Variants in FKBP5 observed in about 807,000 individuals in gnomAD.
The protein encoded by FKBP5 is peptidyl-prolyl cis-trans isomerase FKBP5.
Under a neutral mutation model 50.5 loss-of-function variants are expected in FKBP5, and 23 were observed. That is an observed-to-expected ratio of 0.46 (90% confidence interval 0.33 to 0.65). The LOEUF (loss-of-function observed/expected upper bound fraction) is 0.65. Among genes scored for constraint, FKBP5 ranks in the 30% least tolerant of loss-of-function variants. The pLI, the probability that FKBP5 is intolerant of heterozygous loss-of-function variation, is 0.02. For synonymous variants in FKBP5, 176 were observed against 190.6 expected (o/e 0.92, Z 0.63); for missense variants, 411 against 553.1 (o/e 0.74, Z 2.58).
At chr6:35,648,641 T>C (rs1764699041) in intron 1 of FKBP5, among the ~76,000 whole-genome samples, 1 of 152,104 alleles carries the variant, frequency 6.6e-6, no homozygotes, top group Admixed American at 6.5e-5. Flanking sequence ...TTTAGTGTGC[T>C]CAAGAGATTT....
At chr6:35,693,442 T>C (rs779216373), upstream of FKBP5, among the ~76,000 whole-genome samples, 34 of 151,266 alleles carry the variant, frequency 2.2e-4, no homozygotes, top group Non-Finnish European at 3.8e-4. Context: ...GGATTACAGG[T>C]GTGAGCCACT....
chr6:35,585,624 T>C (rs1762574950), intron 8 of FKBP5: 1 of 966,294 alleles, frequency 1.0e-6, no homozygotes, highest in South Asian at 4.8e-5. Flanking sequence ...TTAGTATACA[T>C]AGTAAATAAT....
rs192625219 is a variant in FKBP5 at position 35,701,093 on chromosome 6, A to G, written c.-20+19235T>C. Among the ~76,000 whole-genome samples the G allele has an allele frequency of 2.1e-3, 327 of 152,330 alleles. 3 individuals are homozygous for G. Among genetic ancestry groups the G allele is most frequent in the South Asian group, 1.5e-3 (7 of 4,826 alleles). ...AATATTGCAGGAACATAATTTGCAT[A>G]TGAAAAAAGTATTCAGTGTTTATCT... On this transcript the variant is annotated intron_variant, in intron 2 of 11. Transcript: ENST00000536438.
chr6:35,697,302 C>T (rs1766097481), intron 2 of FKBP5, among the ~76,000 whole-genome samples: 1 of 152,098 alleles, frequency 6.6e-6, no homozygotes, highest in Non-Finnish European at 1.5e-5. Context: ...AATCCCAGCA[C>T]TTTGGGAGGC....
chr6:35,686,696 T>C (rs1581884738), intron 1 of FKBP5, among the ~76,000 whole-genome samples: 1 of 152,312 alleles, frequency 6.6e-6, no homozygotes, highest in East Asian at 1.9e-4. Context: ...GGATGTTCTT[T>C]CCTCTCCAGA....
chr6:35,603,786 C>T, intron 5 of FKBP5, among the ~76,000 whole-genome samples: 1 of 151,786 alleles, frequency 6.6e-6, no homozygotes, highest in South Asian at 2.1e-4. Flanking sequence ...CTTACTGCAA[C>T]CATCTGCCTC....
At chr6:35,582,964 A>G (rs1762482773) in intron 8 of FKBP5, 2 of 813,572 alleles carry the variant, frequency 2.5e-6, no homozygotes, top group Non-Finnish European at 1.5e-6. Flanking sequence ...GCTCACGCCT[A>G]TAGTCCCAGC....
intron 1 of FKBP5, among the ~76,000 whole-genome samples, chr6:35,721,786 T>A (rs1460033310): frequency 1.3e-5 from 2 of 152,252 alleles, no homozygotes; most frequent in African/African-American, 4.8e-5. Flanking sequence ...AAATGCGTAC[T>A]CCCAGTTGTG....
chr6:35,728,463 G>C (rs1257266849), intron 1 of FKBP5: 1 of 152,312 alleles, frequency 6.6e-6, no homozygotes, highest in Non-Finnish European at 1.5e-5. Context: ...GGTGTGGCCA[G>C]GCACACAGCT....
At chr6:35,678,014 G>A (rs1479389495) in intron 1 of FKBP5, among the ~76,000 whole-genome samples, 1 of 152,164 alleles carries the variant, frequency 6.6e-6, no homozygotes, top group African/African-American at 2.4e-5. Flanking sequence ...TGATATGTAT[G>A]AAGTTCATTA....
chr6:35,585,862 G>C lies in FKBP5; in HGVS notation c.840+1172C>G, dbSNP rs1002293410. The C allele has an allele frequency of 7.1e-6, 7 of 985,144 alleles. No individual in the cohort carries two copies. In the African/African-American group the frequency reaches 1.0e-4, roughly 15 times the overall value. 61.0% of individuals were successfully genotyped at this position (985,144 alleles called of 1,614,324 possible). On this transcript the variant is annotated intron_variant, in intron 8 of 10. Coordinates refer to ENST00000357266, the MANE Select transcript of FKBP5 (RefSeq NM_004117.4). ...TTCTGAAAACACATGGTGCCCTCTGGCTGTGTTAATTTTGGGTTGATTATA... is the reference window on the plus strand; with the variant it reads ...TTCTGAAAACACATGGTGCCCTCTGCCTGTGTTAATTTTGGGTTGATTATA...
chr6:35,579,647 A>G (rs1762359925), intron 9 of FKBP5, among the ~76,000 whole-genome samples: 1 of 152,246 alleles, frequency 6.6e-6, no homozygotes, highest in Admixed American at 6.5e-5. Flanking sequence ...TATATGCTTT[A>G]TATGAACAGT....
chr6:35,622,329 AGT>A (rs1471888018), intron 3 of FKBP5, among the ~76,000 whole-genome samples: 10 of 152,110 alleles, frequency 6.6e-5, no homozygotes, highest in Non-Finnish European at 1.5e-4. Context: ...AGGGCAACAT[AGT>A]GAAACTCCAT....
In FKBP5 at chr6:35,597,401, T is replaced by G; in HGVS notation, c.512A>C (p.His171Pro). Residue 171 changes from histidine to proline, a missense_variant, in exon 6 of 11, where the codon CAC becomes CCC. His to Pro is a moderately conservative substitution (Grantham distance 77). This residue lies in a region of FKBP5 where 267 missense variants were observed against 405.9 expected (regional missense o/e 0.66). Coordinates refer to ENST00000357266, the MANE Select transcript of FKBP5 (RefSeq NM_004117.4). ...CCTTCCACCACAGCGGCCTTCCAGG[T>G]GGACTGAGGGCAAGGAGACAGGAGA... Reference protein sequence around the residue: ...NPNEGATVEIHLEGRCGGRMF... With the variant: ...NPNEGATVEIPLEGRCGGRMF... 6.2e-7 allele frequency: 1 copy of G among 1,613,472 alleles called. No homozygotes were observed. Among genetic ancestry groups the G allele is most frequent in the Non-Finnish European group, 8.5e-7 (1 of 1,179,816 alleles).
At chr6:35,636,395 T>G (rs1003239582) in intron 3 of FKBP5, among the ~76,000 whole-genome samples, 1 of 152,244 alleles carries the variant, frequency 6.6e-6, no homozygotes, top group African/African-American at 2.4e-5. Flanking sequence ...GTCTGCATAA[T>G]CAGATTTGCC....
intron 7 of FKBP5, among the ~76,000 whole-genome samples, chr6:35,589,092 TTATATATATATATATTTTTA>T (rs1301414853): frequency 7.4e-6 from 1 of 135,986 alleles, no homozygotes; most frequent in African/African-American, 2.9e-5. Context: ...ATATATATTT[TTATATATATATATATTTTTA>T]TATATATATA....
chr6:35,587,527 A>G (rs1000946788), intron 7 of FKBP5, among the ~76,000 whole-genome samples: 2 of 152,188 alleles, frequency 1.3e-5, no homozygotes, highest in Non-Finnish European at 2.9e-5. Flanking sequence ...TGGGAACATG[A>G]CTGTAGTCAA....
chr6:35,709,726 T>G (rs191716457), intron 2 of FKBP5, among the ~76,000 whole-genome samples: 31 of 152,344 alleles, frequency 2.0e-4, no homozygotes, highest in African/African-American at 6.5e-4. Context: ...TAAAAATAAC[T>G]TATGCTTTAA....
At chr6:35,649,147 A>G (rs1326002102) in intron 1 of FKBP5, among the ~76,000 whole-genome samples, 1 of 147,866 alleles carries the variant, frequency 6.8e-6, no homozygotes, top group African/African-American at 2.5e-5. Context: ...GCTACTTGGG[A>G]GGCTGAGGCA....
Sources: allele counts gnomAD v4.1 joint callset (sites outside exome capture counted in the v4.1 genomes callset), GRCh38; gene constraint gnomAD v4.1.1; regional missense constraint gnomAD v4.1.1; transcripts MANE v1.5; gene names NCBI Gene and HGNC (gene_info 2026-07-23, HGNC 2026-07-21).